CAPN14: variants seen among roughly 807,000 people sequenced by gnomAD.
The protein encoded by CAPN14 is calpain-14.
In CAPN14, 94 loss-of-function variants were observed where a neutral mutation model predicts 101.3. The ratio of observed to expected loss-of-function variants is 0.93; its 90% confidence interval spans 0.79 to 1.10. The LOEUF is 1.10. Among genes scored for constraint, CAPN14 ranks in the 50% least tolerant of loss-of-function variants. The pLI is 0.00. For synonymous variants in CAPN14, 338 were observed against 317.9 expected, an observed-to-expected ratio of 1.06 and a Z score of -0.67; for missense variants, 837 against 828.4, an observed-to-expected ratio of 1.01 and a Z score of -0.13.
chr2:31,205,201 G>C (rs1400833575), intron 2 of CAPN14, 22 bp downstream of exon 2: 2 of 1,545,426 alleles, frequency 1.3e-6, no homozygotes, highest in Non-Finnish European at 1.7e-6. Context: ...AGGAGGGTCT[G>C]GGCTGACACA....
chr2:31,207,519 G>A (rs1682164155), intron 1 of CAPN14, among the ~76,000 whole-genome samples: 1 of 152,190 alleles, frequency 6.6e-6, no homozygotes, highest in Non-Finnish European at 1.5e-5. Context: ...TGTAATCCCA[G>A]CACTTTGGGA....
Position 31,199,429 on chromosome 2 carries a change from G to T in CAPN14, c.789+41C>A. ...TAAGCTAGGGTCCAGAGAGGGAAGG[G>T]CAAGGCTGAGAGGGAAACCGAAGGG... is the stretch of plus-strand genomic sequence containing the variant. On this transcript the variant is annotated intron_variant, in intron 7 of 21. Transcript: ENST00000403897. The T allele has an allele frequency of 2.0e-6, 3 of 1,507,932 alleles. No individual in the cohort carries two copies. In the South Asian group the frequency reaches 3.6e-5, roughly 18 times the overall value. The allele number at this position is 1,507,932 out of a possible 1,614,324, so 93.4% of individuals were successfully genotyped here. A position where few individuals can be genotyped will look rare whatever the true frequency, so the allele number is the denominator to read the frequency against.
rs1033817503 is a variant in CAPN14, at chr2:31,201,998, A to G, written c.415T>C (p.Phe139Leu). Residue 139 changes from phenylalanine to leucine, a missense_variant and splice_region_variant, in exon 5 of 22, where the codon TTC (phenylalanine) becomes CTC (leucine). Transcript: ENST00000403897. ...GGAACCCAGTTCCCATAGTGCCAGA[A>G]CTGGAGGGAGAGAGTGGCCCCGGGT... ...EKYAGIFRFW[F>L]WHYGNWVPVV... is the part of the protein sequence containing the mutation. 1.3e-6 allele frequency: 2 copies of G among 1,551,544 alleles called. No homozygotes were observed. Among genetic ancestry groups the G allele is most frequent in the Admixed American group, 2.0e-5 (1 of 50,978 alleles).
chr2:31,177,270 T>C, intron 19 of CAPN14, 128 bp from the exon 20 acceptor site: 1 of 613,772 alleles, frequency 1.6e-6, no homozygotes, highest in South Asian at 2.0e-5. Context: ...AATCTTCTTT[T>C]ATAGGGTTCA....
intron 1 of CAPN14, among the ~76,000 whole-genome samples, chr2:31,214,151 G>A (rs1682530733): frequency 6.6e-6 from 1 of 152,164 alleles, no homozygotes; most frequent in African/African-American, 2.4e-5. Flanking sequence ...ATAATACCAT[G>A]AATAAACAGA....
chr2:31,221,449 T>A (rs1682860819), upstream of CAPN14, among the ~76,000 whole-genome samples: 1 of 152,198 alleles, frequency 6.6e-6, no homozygotes, highest in African/African-American at 2.4e-5. Context: ...AGGAACATAT[T>A]TCTAACCATT....
intron 1 of CAPN14, among the ~76,000 whole-genome samples, chr2:31,233,473 C>G (rs1200078192): frequency 7.9e-5 from 12 of 152,196 alleles, no homozygotes; most frequent in Non-Finnish European, 2.9e-5. Flanking sequence ...TCCCATGACC[C>G]TCTGCTCATG....
At chr2:31,231,368 T>G (rs1039018547) in intron 1 of CAPN14, among the ~76,000 whole-genome samples, 2 of 152,248 alleles carry the variant, frequency 1.3e-5, no homozygotes, top group South Asian at 4.1e-4. Flanking sequence ...CAATGGAACA[T>G]GGCATGTCTC....
In CAPN14 at chr2:31,176,464, G is replaced by A. The variant is rs571722919; in HGVS notation, c.2028+123C>T. 7 of 707,880 alleles carry A rather than the reference G, an allele frequency of 9.9e-6. No homozygotes were observed. In the East Asian group the frequency reaches 1.6e-4, roughly 16 times the overall value. The allele number at this position is 707,880 out of a possible 1,614,324, so 43.8% of individuals were successfully genotyped here. On this transcript the variant is annotated intron_variant, in intron 21 of 21. Coordinates refer to ENST00000403897, the MANE Select transcript of CAPN14 (RefSeq NM_001145122.2). ...AATGAATGAGTGCAATGAATGTAGT[G>A]CTCAATTTCCAATTCAGCAGAATAA...
chr2:31,221,671 G>C (rs973981741), upstream of CAPN14, among the ~76,000 whole-genome samples: 2 of 152,172 alleles, frequency 1.3e-5, no homozygotes, highest in African/African-American at 4.8e-5. Context: ...CTGATCGCCA[G>C]GGAGAACAGC....
At chr2:31,216,782 T>G (rs748342167) in intron 1 of CAPN14, among the ~76,000 whole-genome samples, 3 of 152,128 alleles carry the variant, frequency 2.0e-5, no homozygotes, top group Non-Finnish European at 4.4e-5. Flanking sequence ...TGATTTCCAG[T>G]GCCCATAGGC....
chr2:31,227,785 G>A (rs183627519), intron 1 of CAPN14, among the ~76,000 whole-genome samples: 30 of 152,338 alleles, frequency 2.0e-4, no homozygotes, highest in South Asian at 4.1e-4. Context: ...ACAGCACTGC[G>A]TCAGGCTGAA....
chr2:31,204,520 G>A (rs1388015523), intron 2 of CAPN14, among the ~76,000 whole-genome samples: 4 of 152,186 alleles, frequency 2.6e-5, no homozygotes, highest in Non-Finnish European at 5.9e-5. Flanking sequence ...GATCACTGGG[G>A]AGGGGAGGGA....
chr2:31,219,215 G>A (rs1330700658), upstream of CAPN14, among the ~76,000 whole-genome samples: 1 of 152,128 alleles, frequency 6.6e-6, no homozygotes, highest in African/African-American at 2.4e-5. Flanking sequence ...GACGCATAGG[G>A]TAAGGCCCAA....
chr2:31,217,806 T>A (rs189371265), upstream of CAPN14, among the ~76,000 whole-genome samples: 1 of 152,264 alleles, frequency 6.6e-6, no homozygotes, highest in East Asian at 1.9e-4. Flanking sequence ...GAAAAGCATT[T>A]CACTGCAGGA....
chr2:31,207,388 AT>A (rs1182861788), intron 1 of CAPN14, among the ~76,000 whole-genome samples: 2 of 152,184 alleles, frequency 1.3e-5, no homozygotes, highest in Non-Finnish European at 2.9e-5. Context: ...ATGTTCTTTT[AT>A]TTCCGATTTG....
chr2:31,186,591 G>A, intron 15 of CAPN14, 106 bp from the exon 16 acceptor site: 4 of 814,796 alleles, frequency 4.9e-6, no homozygotes, highest in Non-Finnish European at 5.7e-6. Flanking sequence ...GATTTCCTAA[G>A]AACTTCACAA....
chr2:31,183,155 CCCTTCCTTACA>C (rs1680734169), intron 16 of CAPN14, among the ~76,000 whole-genome samples: 1 of 151,582 alleles, frequency 6.6e-6, no homozygotes. Flanking sequence ...GAAACTGGAT[CCCTTCCTTACA>C]CCTTATACAA....
intron 7 of CAPN14, among the ~76,000 whole-genome samples, chr2:31,197,665 T>G (rs769755282): frequency 3.3e-5 from 5 of 152,200 alleles, no homozygotes; most frequent in Non-Finnish European, 5.9e-5. Context: ...AAAAAGGATC[T>G]TTGCAAATGT....
Sources: allele counts gnomAD v4.1 joint callset (sites outside exome capture counted in the v4.1 genomes callset), GRCh38; gene constraint gnomAD v4.1.1; transcripts MANE v1.5; gene names NCBI Gene and HGNC (gene_info 2026-07-23, HGNC 2026-07-21).